Variants in MCM2 observed in about 807,000 individuals in gnomAD.
MCM2 encodes the protein DNA replication licensing factor MCM2.
In MCM2, 49 loss-of-function variants were observed where a neutral mutation model predicts 86.4. The ratio of observed to expected loss-of-function variants is 0.57; its 90% CI spans 0.45 to 0.72. The LOEUF (loss-of-function observed/expected upper bound fraction) is 0.72. Among genes scored for constraint, MCM2 ranks in the 30% least tolerant of loss-of-function variants. The pLI, the probability that MCM2 is intolerant of heterozygous loss-of-function variation, is 0.00. For synonymous variants in MCM2, 475 were observed against 484.6 expected, an observed-to-expected ratio of 0.98 and a Z score of 0.26; for missense variants, 1,038 against 1,259.9, an observed-to-expected ratio of 0.82 and a Z score of 2.67.
At position 127,599,305 on chromosome 3, in the gene MCM2, C is replaced by G; in HGVS notation, c.7-13C>G. Reference sequence around the variant, plus strand: ...GCTTCCTAGGTTTCTGACAACCGCACCTTCTCTTGCAGGAATCATCGGAAT... The same window carrying G: ...GCTTCCTAGGTTTCTGACAACCGCAGCTTCTCTTGCAGGAATCATCGGAAT... On this transcript the variant is annotated splice_polypyrimidine_tract_variant and intron_variant, in intron 1 of 15. Transcript: ENST00000265056. 1 of 1,612,930 alleles carries G rather than the reference C, an allele frequency of 6.2e-7. No homozygotes were observed. The highest frequency in any genetic ancestry group is 8.5e-7 in the Non-Finnish European group (1 of 1,178,954).
At chr3:127,600,283 A>AAAAT (rs889794778) in intron 2 of MCM2, among the ~76,000 whole-genome samples, 2 of 152,378 alleles carry the variant, frequency 1.3e-5, no homozygotes, top group South Asian at 2.1e-4. Flanking sequence ...CTCTGTTTCA[A>AAAAT]AAATAAATAA....
chr3:127,600,514 G>A (rs17496894), intron 2 of MCM2, among the ~76,000 whole-genome samples: 1,571 of 152,220 alleles, frequency 0.01, 28 homozygotes, highest in African/African-American at 0.034. Flanking sequence ...GCATCCTGCC[G>A]TCCCTAGGAT....
intron 8 of MCM2, chr3:127,610,691 C>T (rs543305315): frequency 2.8e-5 from 12 of 434,774 alleles, no homozygotes; most frequent in Admixed American, 1.5e-4. Flanking sequence ...TTGCATCCAC[C>T]GTGAGAAGCT....
Position 127,608,367 on chromosome 3 carries a change from G to T in MCM2, c.1102-15G>T. ...GTAAGTCAGTGATTTGAGGCCTTCT[G>T]TGTGTCCCTCGCAGACCATCTATCA... On this transcript the variant is annotated splice_polypyrimidine_tract_variant and intron_variant, in intron 6 of 15. Transcript: ENST00000265056. 6.2e-7 allele frequency: 1 copy of T among 1,613,586 alleles called. No individual in the cohort carries two copies. The highest frequency in any genetic ancestry group is 1.1e-5 in the South Asian group (1 of 91,054).
At chr3:127,601,862 C>G (rs1279852966) in intron 2 of MCM2, among the ~76,000 whole-genome samples, 9 of 152,144 alleles carry the variant, frequency 5.9e-5, no homozygotes, top group Non-Finnish European at 1.3e-4. Flanking sequence ...TTGATTCTGG[C>G]CATCCCTGCA....
In MCM2 at chr3:127,621,216, C is replaced by G; in HGVS notation, c.2592C>G (p.Asp864Glu). 6.2e-7 allele frequency: 1 copy of G among 1,614,062 alleles called. No individual in the cohort carries two copies. The highest frequency in any genetic ancestry group is 8.5e-7 in the Non-Finnish European group (1 of 1,180,024). ...ACACTATTGAGGTCCCTGAGAAGGA[C>G]TTGGTGGATAAGGTATGGGCCCGGA... ...QQDTIEVPEKDLVDKARQINI... is the reference protein window; with the variant it reads ...QQDTIEVPEKELVDKARQINI... The change falls in exon 15 of 16, where the codon GAC (aspartate) becomes GAG (glutamate). Residue 864 changes from aspartate (D) to glutamate (E), a missense_variant. By Grantham distance (45) the Asp-to-Glu change is conservative. Coordinates refer to ENST00000265056, the MANE Select transcript of MCM2 (RefSeq NM_004526.4).
chr3:127,615,816 TGTGA>T (rs759981622), intron 8 of MCM2, 42 bp from the exon 9 acceptor site: 7 of 1,411,540 alleles, frequency 5.0e-6, no homozygotes, highest in South Asian at 1.1e-5. Context: ...TGACCTACTC[TGTGA>T]GTATCTGTTC....
chr3:127,606,560 C>A lies in MCM2; in HGVS notation c.894-50C>A. On this transcript the variant is annotated intron_variant, in intron 5 of 15. Coordinates refer to ENST00000265056, the MANE Select transcript of MCM2 (RefSeq NM_004526.4). This position sits in a 1 kb window ranked among gnomAD's most constrained non-coding sequence, Gnocchi z 4.2. ...TGTGTTGGGACACTCTCGTCTGCAGCCTGGCCTCACCCTGGCTCACGGCTT... is the reference window on the plus strand; with the variant it reads ...TGTGTTGGGACACTCTCGTCTGCAGACTGGCCTCACCCTGGCTCACGGCTT... The A allele has an allele frequency of 1.3e-6, 2 of 1,543,524 alleles. No individual in the cohort carries two copies. Among genetic ancestry groups the A allele is most frequent in the Non-Finnish European group, 1.8e-6 (2 of 1,117,704 alleles).
chr3:127,604,652 G>T lies in MCM2; in HGVS notation c.281G>T (p.Gly94Val). 1 of 1,613,246 alleles carries T rather than the reference G, an allele frequency of 6.2e-7. No homozygotes were observed. Among genetic ancestry groups the T allele is most frequent in the South Asian group, 1.1e-5 (1 of 91,046 alleles). The change falls in exon 3 of 16, where the codon GGA (glycine) becomes GTA (valine). Residue 94 changes from glycine (G) to valine (V), a missense_variant. Coordinates refer to ENST00000265056, the MANE Select transcript of MCM2 (RefSeq NM_004526.4). Reference sequence around the variant, plus strand: ...GAGCTGGACGCCTATGAGGCCGAGGGACTGGCTCTGGATGATGAGGACGTA... The same window carrying T: ...GAGCTGGACGCCTATGAGGCCGAGGTACTGGCTCTGGATGATGAGGACGTA... ...IPELDAYEAE[G>V]LALDDEDVEE... is the part of the protein sequence containing the mutation.
At position 127,608,654 on chromosome 3, in the gene MCM2, G is replaced by A. The variant is rs573324909; in HGVS notation, c.1236+138G>A. On this transcript the variant is annotated intron_variant, in intron 7 of 15. Transcript: ENST00000265056. ...TCTGTTTTTGCATGGCTGAGGCAAA[G>A]AACTTTCTTCTGGTGGATGGGTTGT... 18 of 1,317,900 alleles carry A rather than the reference G, an allele frequency of 1.4e-5. 1 individual carries two copies. The highest frequency in any genetic ancestry group is 1.7e-5 in the Non-Finnish European group (16 of 946,334). The allele number at this position is 1,317,900 out of a possible 1,614,324, so 81.6% of individuals were successfully genotyped here.
Position 127,606,023 on chromosome 3 carries a change from G to A in MCM2, c.674-95G>A, listed in dbSNP as rs1015744066. The A allele has an allele frequency of 2.3e-5, 20 of 876,246 alleles. No homozygotes were observed. Among genetic ancestry groups the A allele is most frequent in the Non-Finnish European group, 3.3e-5 (18 of 537,332 alleles). The allele number at this position is 876,246 out of a possible 1,614,324, so 54.3% of individuals were successfully genotyped here. On this transcript the variant is annotated intron_variant, in intron 4 of 15. Transcript: ENST00000265056. The surrounding 1 kb of genome is among the most constrained non-coding windows in gnomAD (Gnocchi z 4.2). ...GCTTTCTAGGTCAAAATCAATGGTC[G>A]GGGTGGGTAGGCCTTGCTTCTCACA...
At position 127,621,202 on chromosome 3, in the gene MCM2, G is replaced by A. The variant is rs1412298006; in HGVS notation, c.2578G>A (p.Val860Ile). ...TGGGGCCCAGCAGGACACTATTGAG[G>A]TCCCTGAGAAGGACTTGGTGGATAA... Reference protein sequence around the residue: ...RFGAQQDTIEVPEKDLVDKAR... With the variant: ...RFGAQQDTIEIPEKDLVDKAR... Residue 860 changes from valine to isoleucine, a missense_variant, in exon 15 of 16, where the codon GTC becomes ATC. Physicochemically the swap from Val to Ile is conservative, Grantham distance 29. Around this residue, in one of 4 missense-constraint regions of MCM2, gnomAD observed 336 missense variants for 425.7 expected, o/e 0.79. Transcript: ENST00000265056. 6.2e-7 allele frequency: 1 copy of A among 1,614,050 alleles called. No individual in the cohort carries two copies. The highest frequency in any genetic ancestry group is 8.5e-7 in the Non-Finnish European group (1 of 1,180,046).
At position 127,621,100 on chromosome 3, in the gene MCM2, C is replaced by T. The variant is rs567419651; in HGVS notation, c.2476C>T (p.Arg826Cys). Residue 826 changes from arginine to cysteine, a missense_variant, in exon 15 of 16, where the codon CGT (arginine) becomes TGT (cysteine). Arg to Cys is a radical substitution (Grantham distance 180). This residue lies in a region of MCM2 where 336 missense variants were observed against 425.7 expected (regional missense o/e 0.79). Transcript: ENST00000265056. ...KTFARYLSFR[R>C]DNNELLLFIL... The stretch of plus-strand genomic sequence containing the variant: ...TTTTGCCCGCTACCTTTCATTCCGG[C>T]GTGACAACAATGAGCTGTTGCTCTT... 1.3e-5 allele frequency: 21 copies of T among 1,614,204 alleles called. No homozygotes were observed. The highest frequency in any genetic ancestry group is 1.2e-4 in the Admixed American group (7 of 60,018).
rs902210380 is a variant in MCM2, at chr3:127,606,958, G to C, written c.1101+141G>C. The C allele has an allele frequency of 2.5e-6, 2 of 803,148 alleles. No individual in the cohort carries two copies. Among genetic ancestry groups the C allele is most frequent in the Non-Finnish European group, 2.0e-6 (1 of 494,876 alleles). 49.8% of individuals were successfully genotyped at this position (803,148 alleles called of 1,614,324 possible). A position where few individuals can be genotyped will look rare whatever the true frequency, so the allele number is the denominator to read the frequency against. The stretch of plus-strand genomic sequence containing the variant: ...AGAATTGTGTGTTGGCCACACCCTG[G>C]GGTGGACCCAGTCTGTCTGGCCAGT... On this transcript the variant is annotated intron_variant, in intron 6 of 15. Coordinates refer to ENST00000265056, the MANE Select transcript of MCM2 (RefSeq NM_004526.4). The surrounding 1 kb of genome is among the most constrained non-coding windows in gnomAD (Gnocchi z 4.2).
chr3:127,603,359 G>C (rs955960634), intron 2 of MCM2, among the ~76,000 whole-genome samples: 3 of 147,674 alleles, frequency 2.0e-5, no homozygotes, highest in Non-Finnish European at 4.5e-5. Flanking sequence ...TTTCACTCTT[G>C]TTGCCCAGGC....
At chr3:127,611,597 CCTTCTCCCTCA>C (rs1214312576) in intron 8 of MCM2, among the ~76,000 whole-genome samples, 1 of 151,194 alleles carries the variant, frequency 6.6e-6, no homozygotes, top group Non-Finnish European at 1.5e-5. Context: ...ACATAGAGCA[CCTTCTCCCTCA>C]CTTGTCCCCA....
chr3:127,610,390 A>G (rs1161723941), intron 8 of MCM2, among the ~76,000 whole-genome samples: 2 of 152,110 alleles, frequency 1.3e-5, no homozygotes, highest in Non-Finnish European at 2.9e-5. Context: ...TGGTGGGGTA[A>G]GGAGAGCTGT....
chr3:127,616,465 C>T (rs1049581886), intron 9 of MCM2, among the ~76,000 whole-genome samples: 1 of 152,200 alleles, frequency 6.6e-6, no homozygotes. Context: ...GTGCCCAGTG[C>T]TGTGCCTGTG....
rs1559859488 is a variant in MCM2 at position 127,599,311 on chromosome 3, CT to C, written c.7-5del. 2.5e-6 allele frequency: 4 copies of C among 1,613,514 alleles called. No individual in the cohort carries two copies. In the Admixed American group the frequency reaches 6.7e-5, roughly 27 times the overall value. ...TAGGTTTCTGACAACCGCACCTTCT[CT>C]TGCAGGAATCATCGGAATCCTTCAC... On this transcript the variant is annotated splice_region_variant and splice_polypyrimidine_tract_variant and intron_variant, in intron 1 of 15. Coordinates refer to ENST00000265056, the MANE Select transcript of MCM2 (RefSeq NM_004526.4).
Sources: allele counts gnomAD v4.1 joint callset (sites outside exome capture counted in the v4.1 genomes callset), GRCh38; gene constraint gnomAD v4.1.1; regional missense constraint gnomAD v4.1.1; non-coding constraint Gnocchi (gnomAD v3.1); transcripts MANE v1.5; gene names NCBI Gene and HGNC (gene_info 2026-07-23, HGNC 2026-07-21).